The following CSMD1 variants were observed in gnomAD, a reference collection of about 807,000 sequenced individuals.
CSMD1 encodes CUB and Sushi multiple domains 1.
Under a neutral mutation model 417.5 loss-of-function variants are expected in CSMD1, and 213 were observed. The ratio of observed to expected loss-of-function variants is 0.51; its 90% CI spans 0.46 to 0.57. The LOEUF is 0.57. Ranked by LOEUF, CSMD1 falls within the 20% of genes least tolerant of loss-of-function variation. CSMD1 has a pLI of 0.00. For missense variants in CSMD1, 6,923 were observed against 4,529.7 expected (o/e 1.53, Z -15.17); for synonymous variants, 2,862 against 1,736.8 (o/e 1.65, Z -16.11).
At position 4,222,522 on chromosome 8, in the gene CSMD1, A is replaced by G. The variant is rs113556324; in HGVS notation, c.416-190423T>C. Among the ~76,000 whole-genome samples, 1,312 of 152,316 alleles carry G rather than the reference A, an allele frequency of 8.6e-3. 21 individuals carry two copies. The highest frequency in any genetic ancestry group is 0.029 in the African/African-American group (1,191 of 41,554). ...GTTGTTAATATTATTATTGTTAAAT[A>G]ATCAAGAAAACATAAAAACCACAGA... On this transcript the variant is annotated intron_variant, in intron 3 of 69. Coordinates refer to ENST00000635120, the MANE Select transcript of CSMD1 (RefSeq NM_033225.6).
At chr8:3,861,209 C>G (rs539476475) in intron 5 of CSMD1, among the ~76,000 whole-genome samples, 1 of 152,152 alleles carries the variant, frequency 6.6e-6, no homozygotes, top group African/African-American at 2.4e-5. Context: ...GTTCAGTTGT[C>G]TAATGTGATT....
chr8:3,510,528 T>C (rs1797020713), intron 10 of CSMD1, among the ~76,000 whole-genome samples: 1 of 151,848 alleles, frequency 6.6e-6, no homozygotes, highest in Non-Finnish European at 1.5e-5. Context: ...AGAAGGTCTT[T>C]AAAGAGGTCA....
intron 5 of CSMD1, among the ~76,000 whole-genome samples, chr8:3,939,130 G>C (rs961533665): frequency 6.6e-6 from 1 of 152,068 alleles, no homozygotes; most frequent in African/African-American, 2.4e-5. Flanking sequence ...CAGAAAAACT[G>C]TTCTTGCCCT....
intron 21 of CSMD1, among the ~76,000 whole-genome samples, chr8:3,354,056 C>A (rs1329520442): frequency 1.3e-5 from 2 of 152,110 alleles, no homozygotes; most frequent in Non-Finnish European, 2.9e-5. Context: ...TAGCATTAAC[C>A]AAAATGTCTG....
intron 2 of CSMD1, among the ~76,000 whole-genome samples, chr8:4,445,101 A>G (rs1009510007): frequency 1.3e-5 from 2 of 152,238 alleles, no homozygotes; most frequent in African/African-American, 4.8e-5. Flanking sequence ...TCTCTGAACA[A>G]CAAAAAAAGT....
intron 5 of CSMD1, among the ~76,000 whole-genome samples, chr8:3,765,291 A>T (rs1275888018): frequency 6.6e-6 from 1 of 152,046 alleles, no homozygotes; most frequent in Admixed American, 6.6e-5. Context: ...CCACGGACTC[A>T]CTTTTGCCTG....
intron 2 of CSMD1, among the ~76,000 whole-genome samples, chr8:4,522,454 G>C (rs1803514187): frequency 6.6e-6 from 1 of 152,152 alleles, no homozygotes; most frequent in Admixed American, 6.5e-5. Flanking sequence ...AATCAGATGA[G>C]CAAGGAAATT....
At chr8:3,099,084 G>A (rs187822500) in intron 46 of CSMD1, among the ~76,000 whole-genome samples, 2 of 150,916 alleles carry the variant, frequency 1.3e-5, no homozygotes, top group East Asian at 1.9e-4. Context: ...ACTCTTCTCC[G>A]TGCCGTTCAC....
chr8:4,691,680 C>G (rs943063700), intron 1 of CSMD1, among the ~76,000 whole-genome samples: 2 of 152,210 alleles, frequency 1.3e-5, no homozygotes, highest in African/African-American at 4.8e-5. Context: ...ATCTACCTGC[C>G]TGCCTTAACT....
chr8:4,405,325 T>G (rs200204191), intron 3 of CSMD1, among the ~76,000 whole-genome samples: 1 of 142,504 alleles, frequency 7.0e-6, no homozygotes, highest in Non-Finnish European at 1.5e-5. Flanking sequence ...TTTTTTCTCA[T>G]TTTTTTTTTC....
intron 1 of CSMD1, among the ~76,000 whole-genome samples, chr8:4,823,427 A>T (rs1396069355): frequency 6.6e-6 from 1 of 152,036 alleles, no homozygotes; most frequent in Non-Finnish European, 1.5e-5. Context: ...CAGCTACATA[A>T]CCTTAGTTTC....
chr8:3,974,891 A>C (rs1247493968), intron 5 of CSMD1, among the ~76,000 whole-genome samples: 1 of 152,146 alleles, frequency 6.6e-6, no homozygotes, highest in Non-Finnish European at 1.5e-5. Flanking sequence ...TTTAAAAATA[A>C]CATATATTTT....
intron 1 of CSMD1, among the ~76,000 whole-genome samples, chr8:4,977,531 C>A (rs1384225383): frequency 6.6e-6 from 1 of 152,174 alleles, no homozygotes; most frequent in Non-Finnish European, 1.5e-5. Context: ...ACAGAGCTCC[C>A]TTTGAGAGGG....
chr8:4,693,856 T>C (rs1437620143), intron 1 of CSMD1, among the ~76,000 whole-genome samples: 1 of 52,076 alleles, frequency 1.9e-5, no homozygotes, highest in Non-Finnish European at 3.5e-5. Context: ...CCTATTCTTT[T>C]TAACTCTTCT....
intron 26 of CSMD1, among the ~76,000 whole-genome samples, chr8:3,262,932 T>C (rs558548658): frequency 6.6e-6 from 1 of 152,170 alleles, no homozygotes; most frequent in African/African-American, 2.4e-5. Context: ...GTAGGAATCC[T>C]ATGAAAAAGT....
intron 2 of CSMD1, among the ~76,000 whole-genome samples, chr8:4,453,035 G>C (rs556987936): frequency 1.2e-4 from 18 of 152,246 alleles, no homozygotes; most frequent in Non-Finnish European, 2.2e-4. Context: ...GGACAACTTA[G>C]ATTTTCAAGC....
At chr8:3,634,308 G>T (rs917010916) in intron 7 of CSMD1, among the ~76,000 whole-genome samples, 4 of 152,186 alleles carry the variant, frequency 2.6e-5, no homozygotes, top group African/African-American at 9.7e-5. Context: ...GAAGACTAAG[G>T]TCAGCAATGT....
chr8:4,780,945 G>T (rs142338329), intron 1 of CSMD1, among the ~76,000 whole-genome samples: 126 of 152,208 alleles, frequency 8.3e-4, no homozygotes, highest in Middle Eastern at 3.4e-3. Flanking sequence ...TCTTTATAAG[G>T]CTCAAGCAAT....
chr8:4,118,581 T>C (rs897347318), intron 3 of CSMD1, among the ~76,000 whole-genome samples: 9 of 152,030 alleles, frequency 5.9e-5, no homozygotes, highest in African/African-American at 1.7e-4. Flanking sequence ...CATGAAAAAG[T>C]AAGGAAACAA....
Sources: gnomAD v4.1 joint callset for allele counts (sites outside exome capture counted in the v4.1 genomes callset) on GRCh38, gnomAD v4.1.1 for gene constraint, MANE v1.5 for transcripts, NCBI Gene and HGNC (gene_info 2026-07-23, HGNC 2026-07-21) for gene names.